Variants in TEKT5 observed in about 807,000 individuals in gnomAD.
TEKT5 encodes the protein tektin 5, also known as tektin-5.
In TEKT5, 52 loss-of-function variants were observed where a neutral mutation model predicts 48.7. The observed-to-expected ratio is 1.07, with a 90% CI of 0.86 to 1.35. The LOEUF (loss-of-function observed/expected upper bound fraction) is 1.35, where lower values mean the gene tolerates loss of function less well. Ranked by LOEUF, TEKT5 falls within the 40% of genes most tolerant of loss-of-function variation. The probability of loss-of-function intolerance (pLI) is 0.00; values close to 1 mark genes in which losing one functional copy is unlikely to be tolerated. For missense variants in TEKT5, 831 were observed against 641.6 expected (o/e 1.30, Z -3.19); for synonymous variants, 318 against 267.6 (o/e 1.19, Z -1.84).
At chr16:10,650,321 G>A (rs1006458701) in intron 5 of TEKT5, among the ~76,000 whole-genome samples, 3 of 151,772 alleles carry the variant, frequency 2.0e-5, no homozygotes, top group African/African-American at 7.3e-5. Context: ...AGCAGGTCTC[G>A]AACTCCTGAC....
intron 1 of TEKT5, chr16:10,692,958 T>A (rs898664593): frequency 1.3e-5 from 2 of 152,234 alleles, no homozygotes; most frequent in Non-Finnish European, 1.5e-5. Context: ...AATAAATTCC[T>A]GTTTGGCTAA....
rs143034161 is a variant in TEKT5, at chr16:10,694,315, A to G, written c.559T>C (p.Leu187=). 3 of 1,593,830 alleles carry G rather than the reference A, an allele frequency of 1.9e-6. No individual in the cohort carries two copies. Among genetic ancestry groups the G allele is most frequent in the East Asian group, 2.2e-5 (1 of 44,750 alleles). Residue 187 remains leucine (L), a synonymous_variant, in exon 1 of 7, where the codon TTG becomes CTG. Transcript: ENST00000283025. ...GTCCCCACCCCTGTACTCACCTGCA[A>G]TGGGCAGTTCACCTCATTGGCCGCG... ...ECAANEVNCP[L]QVALECLYHR...
At chr16:10,673,833 G>A in intron 5 of TEKT5, among the ~76,000 whole-genome samples, 1 of 151,594 alleles carries the variant, frequency 6.6e-6, no homozygotes, top group East Asian at 1.9e-4. Context: ...TGTATTTTTA[G>A]TAGAGATGGA....
intron 5 of TEKT5, among the ~76,000 whole-genome samples, chr16:10,661,444 C>T (rs1296466873): frequency 6.6e-6 from 1 of 152,180 alleles, no homozygotes; most frequent in Non-Finnish European, 1.5e-5. Flanking sequence ...TTTACAAACT[C>T]CCAAGCTATT....
rs34296979 is a variant in TEKT5 at position 10,669,300 on chromosome 16, C to CAA, written c.1086+6657_1086+6658dup. On this transcript the variant is annotated intron_variant, in intron 5 of 6. Coordinates refer to ENST00000283025, the MANE Select transcript of TEKT5 (RefSeq NM_144674.2). ...TTAAACCCTATCTCTACTAAATATACAAAAAAAAAATAGCTGGGCAAGGTG... is the reference window on the plus strand; with the variant it reads ...TTAAACCCTATCTCTACTAAATATACAAAAAAAAAAAATAGCTGGGCAAGGTG... Among the ~76,000 whole-genome samples, 922 of 148,972 alleles carry CAA rather than the reference C, an allele frequency of 6.2e-3. 8 individuals are homozygous for CAA. Among genetic ancestry groups the CAA allele is most frequent in the African/African-American group, 0.017 (672 of 40,658 alleles).
In TEKT5 at chr16:10,636,344, C is replaced by T. The variant is rs1897913282; in HGVS notation, c.1087-426G>A. Among the ~76,000 whole-genome samples the T allele has an allele frequency of 4.7e-5, 7 of 150,472 alleles. No homozygotes were observed. The Admixed American group carries it at 4.7e-4, about 10-fold the overall frequency. On this transcript the variant is annotated intron_variant, in intron 5 of 6. Transcript: ENST00000283025. ...GAGCTGAGATTGTGCCACCGCACTC[C>T]AGCCTGGGGGACAAGAGCGAGACTT...
chr16:10,654,836 G>T (rs2541556), intron 5 of TEKT5, among the ~76,000 whole-genome samples: 1 of 150,896 alleles, frequency 6.6e-6, no homozygotes, highest in Non-Finnish European at 1.5e-5. Flanking sequence ...TCTATATATC[G>T]TATTGCTTCT....
intron 5 of TEKT5, among the ~76,000 whole-genome samples, chr16:10,657,172 C>G (rs1243152882): frequency 6.7e-6 from 1 of 149,300 alleles, no homozygotes; most frequent in East Asian, 2.0e-4. Flanking sequence ...GTTGCCCAGG[C>G]TGGAGTGCAA....
At chr16:10,629,176 T>C (rs1897798880) in intron 6 of TEKT5, among the ~76,000 whole-genome samples, 1 of 151,456 alleles carries the variant, frequency 6.6e-6, no homozygotes, top group African/African-American at 2.4e-5. Context: ...AACTAGAGAG[T>C]GGTGAGGGTT....
At chr16:10,667,704 C>T (rs1372433871) in intron 5 of TEKT5, among the ~76,000 whole-genome samples, 1 of 152,162 alleles carries the variant, frequency 6.6e-6, no homozygotes, top group African/African-American at 2.4e-5. Context: ...TTTCCCATAT[C>T]CACATACCAT....
intron 6 of TEKT5, among the ~76,000 whole-genome samples, chr16:10,628,898 T>C: frequency 8.2e-6 from 1 of 121,834 alleles, no homozygotes; most frequent in African/African-American, 4.9e-5. Flanking sequence ...TGAGCGAAAC[T>C]CTGTCTCAAA....
rs199622761 is a variant in TEKT5 at position 10,627,603 on chromosome 16, G to A, written c.1438C>T (p.Arg480Cys). 41 of 1,614,146 alleles carry A rather than the reference G, an allele frequency of 2.5e-5. No individual in the cohort carries two copies. In the African/African-American group the frequency reaches 4.8e-4, roughly 19 times the overall value. ...GMRKTFPCTP[R>C]LVGHT is the part of the protein sequence containing the mutation. ...GGTGCTCAGGTGTGGCCCACCAGGC[G>A]CGGGGTGCAGGGGAAGGTCTTACGC... The change falls in exon 7 of 7, where the codon CGC becomes TGC. Residue 480 changes from arginine to cysteine, a missense_variant. Physicochemically the swap from Arg to Cys is radical, Grantham distance 180. Transcript: ENST00000283025.
chr16:10,638,993 G>A (rs1290018381), intron 5 of TEKT5, among the ~76,000 whole-genome samples: 1 of 152,124 alleles, frequency 6.6e-6, no homozygotes. Flanking sequence ...CAACATAAGG[G>A]TCCCAAAGGC....
chr16:10,648,800 T>C (rs1303141173), intron 5 of TEKT5, among the ~76,000 whole-genome samples: 1 of 152,232 alleles, frequency 6.6e-6, no homozygotes, highest in East Asian at 1.9e-4. Context: ...GCTTCAGCAT[T>C]GAGCAGTTTC....
chr16:10,690,696 C>A (rs1447723464), intron 1 of TEKT5: 1 of 985,286 alleles, frequency 1.0e-6, no homozygotes, highest in East Asian at 1.1e-4. Flanking sequence ...CTGGGCCTTA[C>A]AACTCTCATG....
intron 5 of TEKT5, among the ~76,000 whole-genome samples, chr16:10,644,673 T>C (rs73507980): frequency 0.011 from 1,674 of 152,302 alleles, 37 homozygotes; most frequent in African/African-American, 0.039. Context: ...ACATAAGCTA[T>C]CAGAAATCAG....
In TEKT5 at chr16:10,676,085, C is replaced by A; in HGVS notation, c.960G>T (p.Ala320=). The change falls in exon 5 of 7, where the codon GCG becomes GCT. Residue 320 remains alanine, a synonymous_variant. Transcript: ENST00000283025. ...RANSIQLREE[A]EHLFETLSDQ... ...CCGACAAGGTCTCAAAGAGGTGCTC[C>A]GCCTCCTCCCGCAGCTGGATGGAGT... The A allele has an allele frequency of 6.2e-7, 1 of 1,614,198 alleles. No homozygotes were observed. Among genetic ancestry groups the A allele is most frequent in the Non-Finnish European group, 8.5e-7 (1 of 1,180,042 alleles).
chr16:10,653,252 G>C (rs1898199880), intron 5 of TEKT5, among the ~76,000 whole-genome samples: 1 of 152,244 alleles, frequency 6.6e-6, no homozygotes, highest in African/African-American at 2.4e-5. Context: ...GCCCAGCCCT[G>C]CCTGGGAGCT....
intron 6 of TEKT5, among the ~76,000 whole-genome samples, chr16:10,632,041 C>T (rs1897847756): frequency 6.6e-6 from 1 of 152,156 alleles, no homozygotes; most frequent in Non-Finnish European, 1.5e-5. Flanking sequence ...AAACTGTGCT[C>T]AGGACCAGAG....
Sources: allele counts gnomAD v4.1 joint callset (sites outside exome capture counted in the v4.1 genomes callset), GRCh38; gene constraint gnomAD v4.1.1; transcripts MANE v1.5; gene names NCBI Gene and HGNC (gene_info 2026-07-23, HGNC 2026-07-21).